SOX5: variants seen among roughly 807,000 people sequenced by gnomAD.
SOX5 encodes transcription factor SOX-5.
Under a neutral mutation model 92.0 loss-of-function variants are expected in SOX5, and 9 were observed. The observed-to-expected ratio is 0.10, with a 90% confidence interval of 0.06 to 0.17. The LOEUF (loss-of-function observed/expected upper bound fraction) is 0.17. Ranked by LOEUF, SOX5 falls within the 10% of genes least tolerant of loss-of-function variation. The pLI, the probability that SOX5 is intolerant of heterozygous loss-of-function variation, is 1.00. For synonymous variants in SOX5, 344 were observed against 336.3 expected (o/e 1.02, Z -0.25); for missense variants, 642 against 944.5 (o/e 0.68, Z 4.20).
intron 4 of SOX5, among the ~76,000 whole-genome samples, chr12:24,056,897 C>T (rs1327349495): frequency 7.2e-6 from 1 of 138,216 alleles, no homozygotes; most frequent in Admixed American, 7.5e-5. Context: ...ATGGCGTGAA[C>T]CCGGGAGGCG....
intron 4 of SOX5, among the ~76,000 whole-genome samples, chr12:24,210,586 G>A (rs1040292552): frequency 6.6e-6 from 1 of 152,162 alleles, no homozygotes; most frequent in African/African-American, 2.4e-5. Flanking sequence ...GCAAACAAAT[G>A]AGAAATTCAG....
intron 2 of SOX5, among the ~76,000 whole-genome samples, chr12:23,885,064 T>C (rs1453579557): frequency 6.6e-6 from 1 of 152,160 alleles, no homozygotes; most frequent in Non-Finnish European, 1.5e-5. Flanking sequence ...CCAGCTCCCA[T>C]GTCCCTAGCG....
intron 4 of SOX5, among the ~76,000 whole-genome samples, chr12:24,202,768 CT>C (rs1957648563): frequency 1.3e-5 from 2 of 152,108 alleles, no homozygotes; most frequent in Admixed American, 1.3e-4. Context: ...ACAGAAATTA[CT>C]TTTTGTGCCT....
At chr12:24,491,676 C>A (rs920448851) in intron 1 of SOX5, among the ~76,000 whole-genome samples, 1 of 152,090 alleles carries the variant, frequency 6.6e-6, no homozygotes, top group African/African-American at 2.4e-5. Context: ...ATGAATATAT[C>A]AAGTCCTGAT....
At chr12:24,358,613 A>C (rs1359518760) in intron 2 of SOX5, among the ~76,000 whole-genome samples, 2 of 150,328 alleles carry the variant, frequency 1.3e-5, no homozygotes, top group African/African-American at 2.4e-5. Context: ...CTCCATCTCA[A>C]AAAAAAAAAA....
At chr12:23,903,917 C>A (rs2097263848) in intron 1 of SOX5, among the ~76,000 whole-genome samples, 1 of 152,148 alleles carries the variant, frequency 6.6e-6, no homozygotes, top group South Asian at 2.1e-4. Flanking sequence ...AGAAAGGTTT[C>A]TAATTCAAAT....
At chr12:23,541,794 A>G (rs998010157) in intron 13 of SOX5, among the ~76,000 whole-genome samples, 7 of 152,164 alleles carry the variant, frequency 4.6e-5, no homozygotes, top group Non-Finnish European at 1.0e-4. Context: ...GGCATCTATT[A>G]TCTTTGTTGA....
chr12:24,431,744 A>G (rs1938374129), intron 1 of SOX5, among the ~76,000 whole-genome samples: 1 of 152,208 alleles, frequency 6.6e-6, no homozygotes, highest in South Asian at 2.1e-4. Flanking sequence ...CCAAGAAGGG[A>G]ATTTATATCT....
chr12:23,950,953 A>G (rs979218470), upstream of SOX5: 5 of 1,286,998 alleles, frequency 3.9e-6, no homozygotes, highest in Admixed American at 2.0e-5. Flanking sequence ...AACAGGAGAT[A>G]GTGTGCATTC....
intron 3 of SOX5, among the ~76,000 whole-genome samples, chr12:24,276,142 T>A (rs1330548585): frequency 6.6e-6 from 1 of 152,134 alleles, no homozygotes; most frequent in Non-Finnish European, 1.5e-5. Flanking sequence ...AGAATTTTTG[T>A]TTGGAATAAT....
chr12:24,373,915 T>A (rs545565470), intron 1 of SOX5, among the ~76,000 whole-genome samples: 1 of 152,330 alleles, frequency 6.6e-6, no homozygotes, highest in East Asian at 1.9e-4. Context: ...GAGGGGCCAC[T>A]AATCGGCTTT....
intron 10 of SOX5, among the ~76,000 whole-genome samples, chr12:23,566,869 C>G (rs1947196266): frequency 6.6e-6 from 1 of 152,150 alleles, no homozygotes; most frequent in South Asian, 2.1e-4. Flanking sequence ...ATTTCCAGTT[C>G]TTGGTAAGTG....
chr12:23,973,190 C>A lies in SOX5; in HGVS notation c.-1-77166G>T, dbSNP rs192291830. ...TTTTTTTTTTTTTTTGAGACAAATT[C>A]TCACTCTATTGCCCAGGCTGGAGTG... On this transcript the variant is annotated intron_variant, in intron 4 of 4. Coordinates refer to the SOX5 transcript ENST00000446891. Among the ~76,000 whole-genome samples the A allele has an allele frequency of 2.8e-3, 305 of 110,366 alleles. 1 individual carries two copies. The highest frequency in any genetic ancestry group is 0.026 in the Middle Eastern group (3 of 114). 72.4% of individuals were successfully genotyped at this position (110,366 alleles called of 152,430 possible). A position where few individuals can be genotyped will look rare whatever the true frequency, so the allele number is the denominator to read the frequency against.
At chr12:24,013,725 G>T (rs748217808) in intron 4 of SOX5, among the ~76,000 whole-genome samples, 1 of 152,104 alleles carries the variant, frequency 6.6e-6, no homozygotes, top group African/African-American at 2.4e-5. Context: ...CCATTTTTAA[G>T]GCTGAAGTTT....
chr12:23,702,846 A>G (rs540622092), intron 6 of SOX5, among the ~76,000 whole-genome samples: 1 of 152,126 alleles, frequency 6.6e-6, no homozygotes, highest in East Asian at 1.9e-4. Context: ...TAGATGGAAA[A>G]GGATTCACTC....
At chr12:24,032,894 G>A (rs1444926667) in intron 4 of SOX5, among the ~76,000 whole-genome samples, 1 of 151,782 alleles carries the variant, frequency 6.6e-6, no homozygotes, top group Non-Finnish European at 1.5e-5. Flanking sequence ...AATATAGCAG[G>A]TTATATATTT....
intron 11 of SOX5, among the ~76,000 whole-genome samples, chr12:23,548,214 C>G (rs1943507734): frequency 6.6e-6 from 1 of 151,880 alleles, no homozygotes; most frequent in African/African-American, 2.4e-5. Flanking sequence ...GAAGAAAAAG[C>G]AAAATTAATC....
At chr12:23,914,723 T>C (rs1027474950) in intron 1 of SOX5, among the ~76,000 whole-genome samples, 1 of 152,182 alleles carries the variant, frequency 6.6e-6, no homozygotes, top group Admixed American at 6.5e-5. Context: ...TAGTTCACAT[T>C]TATTCATTTT....
intron 1 of SOX5, among the ~76,000 whole-genome samples, chr12:24,406,849 G>A (rs76711862): frequency 3.2e-4 from 49 of 152,286 alleles, no homozygotes; most frequent in African/African-American, 1.1e-3. Context: ...AACAGAAGGA[G>A]ATGAAAAATA....
Sources: allele counts gnomAD v4.1 joint callset (sites outside exome capture counted in the v4.1 genomes callset), GRCh38; gene constraint gnomAD v4.1.1; transcripts MANE v1.5; gene names NCBI Gene and HGNC (gene_info 2026-07-23, HGNC 2026-07-21).